The following VWC2L variants were observed in gnomAD, a reference collection of about 807,000 sequenced individuals.
VWC2L encodes von Willebrand factor C domain-containing protein 2-like.
Under a neutral mutation model 21.6 loss-of-function variants are expected in VWC2L, and 10 were observed. That is an observed-to-expected ratio of 0.46 (90% CI 0.29 to 0.78). The LOEUF is 0.78. Ranked by LOEUF, VWC2L falls within the 30% of genes least tolerant of loss-of-function variation. The pLI is 0.10. For synonymous variants in VWC2L, 96 were observed against 94.3 expected (o/e 1.02, Z -0.10); for missense variants, 209 against 277.1 (o/e 0.75, Z 1.74).
intron 3 of VWC2L, among the ~76,000 whole-genome samples, chr2:214,464,523 C>T (rs1032501651): frequency 4.6e-5 from 7 of 151,254 alleles, no homozygotes; most frequent in South Asian, 2.1e-4. Context: ...CTCCCTGGAG[C>T]TGGAGAAGGT....
chr2:214,530,547 C>T lies in VWC2L; in HGVS notation c.521-45125C>T, dbSNP rs534045991. 4.6e-5 allele frequency among the ~76,000 whole-genome samples: 7 copies of T among 152,204 alleles called. No individual in the cohort carries two copies. In the South Asian group the frequency reaches 1.0e-3, roughly 23 times the overall value. On this transcript the variant is annotated intron_variant, in intron 3 of 3. Coordinates refer to ENST00000312504, the MANE Select transcript of VWC2L (RefSeq NM_001080500.4). ...TGAAAAGATAGGCAGACATAGACCCCAATCCTGATTCATGGGCTCACACCT... is the reference window on the plus strand; with the variant it reads ...TGAAAAGATAGGCAGACATAGACCCTAATCCTGATTCATGGGCTCACACCT...
chr2:214,549,543 G>T (rs768604409), intron 3 of VWC2L, among the ~76,000 whole-genome samples: 1 of 152,228 alleles, frequency 6.6e-6, no homozygotes, highest in Non-Finnish European at 1.5e-5. Context: ...GGGACGTCAA[G>T]ACAGGCGGAT....
intron 3 of VWC2L, among the ~76,000 whole-genome samples, chr2:214,532,931 G>GGACCCTGTGCTAGAGAGAAGA (rs71037376): frequency 6.6e-6 from 1 of 151,714 alleles, no homozygotes; most frequent in African/African-American, 2.4e-5. Flanking sequence ...TAGAGAGAGG[G>GGACCCTGTGCTAGAGAGAAGA]GACCCTGACA....
chr2:214,567,955 G>A (rs547711345), intron 3 of VWC2L, among the ~76,000 whole-genome samples: 41 of 152,268 alleles, frequency 2.7e-4, no homozygotes, highest in African/African-American at 8.9e-4. Context: ...TTTTGTATGA[G>A]CTTCCTACAA....
At chr2:214,472,095 T>C (rs922510912) in intron 3 of VWC2L, 8 of 152,168 alleles carry the variant, frequency 5.3e-5, no homozygotes, top group African/African-American at 1.9e-4. Context: ...TGGCTATATC[T>C]AGTAGGGAAA....
Position 214,571,551 on chromosome 2 carries a change from C to T in VWC2L, c.521-4121C>T, listed in dbSNP as rs112951439. Among the ~76,000 whole-genome samples, 1,411 of 152,208 alleles carry T rather than the reference C, an allele frequency of 9.3e-3. 23 individuals carry two copies. The highest frequency in any genetic ancestry group is 0.032 in the African/African-American group (1,346 of 41,532). The stretch of plus-strand genomic sequence containing the variant: ...TAAGTTCAGAAAATAAGTTCACTTC[C>T]AATATATAATTAGTTTATACTATTT... On this transcript the variant is annotated intron_variant, in intron 3 of 3. Coordinates refer to ENST00000312504, the MANE Select transcript of VWC2L (RefSeq NM_001080500.4).
At chr2:214,447,119 G>A (rs1559293400) in intron 3 of VWC2L, among the ~76,000 whole-genome samples, 1 of 152,118 alleles carries the variant, frequency 6.6e-6, no homozygotes, top group Non-Finnish European at 1.5e-5. Flanking sequence ...TTGGGAGTTG[G>A]ATATAGTTTC....
intron 3 of VWC2L, among the ~76,000 whole-genome samples, chr2:214,456,505 C>G (rs576389536): frequency 4.6e-5 from 7 of 152,200 alleles, no homozygotes; most frequent in African/African-American, 1.7e-4. Flanking sequence ...AATACTTTCT[C>G]CCATTCAACT....
chr2:214,488,253 T>C (rs1688698508), intron 3 of VWC2L, among the ~76,000 whole-genome samples: 2 of 152,192 alleles, frequency 1.3e-5, no homozygotes, highest in African/African-American at 4.8e-5. Flanking sequence ...TTTATGTCTC[T>C]CATTTATAGC....
intron 3 of VWC2L, among the ~76,000 whole-genome samples, chr2:214,501,171 G>C (rs542732373): frequency 6.6e-6 from 1 of 152,122 alleles, no homozygotes; most frequent in African/African-American, 2.4e-5. Flanking sequence ...TTTTTCTATA[G>C]AACAAGTACA....
intron 3 of VWC2L, chr2:214,472,011 T>C (rs1408959127): frequency 1.3e-5 from 2 of 152,226 alleles, no homozygotes; most frequent in African/African-American, 4.8e-5. Context: ...TCTGCATTTC[T>C]CTTAATGATT....
rs1277150325 is a variant in VWC2L, at chr2:214,447,725, G to A, written c.520+10967G>A. Among the ~76,000 whole-genome samples the A allele has an allele frequency of 2.0e-5, 3 of 152,104 alleles. No individual in the cohort carries two copies. In the East Asian group the frequency reaches 5.8e-4, roughly 29 times the overall value. ...GGTTATCCCTCTATCTTCCTCAGAA[G>A]TTTTACACATCTGGAACAAGAGACT... On this transcript the variant is annotated intron_variant, in intron 3 of 3. Transcript: ENST00000312504.
chr2:214,518,332 G>T (rs144618878), intron 3 of VWC2L, among the ~76,000 whole-genome samples: 4 of 152,144 alleles, frequency 2.6e-5, no homozygotes, highest in Admixed American at 2.6e-4. Flanking sequence ...TATTTCATTA[G>T]TTCCTTGGAG....
intron 3 of VWC2L, among the ~76,000 whole-genome samples, chr2:214,456,817 T>C (rs973804767): frequency 1.3e-5 from 2 of 152,134 alleles, no homozygotes; most frequent in African/African-American, 4.8e-5. Flanking sequence ...GTACCATTTA[T>C]TGAAGAAAGT....
At position 214,576,040 on chromosome 2, in the gene VWC2L, T is replaced by C. The variant is rs546310919; in HGVS notation, c.*220T>C. The C allele has an allele frequency of 2.0e-4, 63 of 310,440 alleles. No homozygotes were observed. The highest frequency in any genetic ancestry group is 1.3e-3 in the African/African-American group (59 of 46,494). 19.2% of individuals were successfully genotyped at this position (310,440 alleles called of 1,614,324 possible). A position where few individuals can be genotyped will look rare whatever the true frequency, so the allele number is the denominator to read the frequency against. ...TAGTATATAGCTATCTAAATCGCTT[T>C]TGTATTTACCAATGCTTGATGGTGA... On this transcript the variant is annotated 3_prime_UTR_variant, in exon 4 of 4. Coordinates refer to ENST00000312504, the MANE Select transcript of VWC2L (RefSeq NM_001080500.4).
At chr2:214,526,827 A>G (rs1304259708) in intron 3 of VWC2L, among the ~76,000 whole-genome samples, 3 of 152,346 alleles carry the variant, frequency 2.0e-5, no homozygotes, top group Admixed American at 1.3e-4. Context: ...CAGCAGAACC[A>G]CCATTCAACT....
At chr2:214,442,409 CAA>C (rs1290796230) in intron 3 of VWC2L, among the ~76,000 whole-genome samples, 1 of 152,026 alleles carries the variant, frequency 6.6e-6, no homozygotes, top group Non-Finnish European at 1.5e-5. Context: ...ATACAAAATA[CAA>C]AGTTTCACAA....
At chr2:214,546,881 C>T (rs1388083429) in intron 3 of VWC2L, among the ~76,000 whole-genome samples, 2 of 152,106 alleles carry the variant, frequency 1.3e-5, no homozygotes, top group Non-Finnish European at 2.9e-5. Flanking sequence ...GGATGATACC[C>T]TAATTTTAAT....
chr2:214,472,088 C>T (rs1703317171), intron 3 of VWC2L: 1 of 152,052 alleles, frequency 6.6e-6, no homozygotes, highest in Admixed American at 6.6e-5. Context: ...CCTCATATGG[C>T]TATATCTAGT....
Sources: allele counts gnomAD v4.1 joint callset (sites outside exome capture counted in the v4.1 genomes callset), GRCh38; gene constraint gnomAD v4.1.1; transcripts MANE v1.5; gene names NCBI Gene and HGNC (gene_info 2026-07-23, HGNC 2026-07-21).